Variants in CCDC170 observed in about 807,000 individuals in gnomAD.
CCDC170 encodes the protein coiled-coil domain containing 170.
Under a neutral mutation model 72.6 loss-of-function variants are expected in CCDC170, and 69 were observed. The ratio of observed to expected loss-of-function variants is 0.95; its 90% CI spans 0.78 to 1.16. The LOEUF (loss-of-function observed/expected upper bound fraction) is 1.16, where lower values mean the gene tolerates loss of function less well. Among genes scored for constraint, CCDC170 ranks in the 50% most tolerant of loss-of-function variants. The pLI is 0.00. For missense variants in CCDC170, 852 were observed against 832.5 expected (o/e 1.02, Z -0.29); for synonymous variants, 300 against 303.9 (o/e 0.99, Z 0.13).
intron 6 of CCDC170, 35 bp from the exon 7 acceptor site, chr6:151,585,854 C>A: frequency 6.3e-7 from 1 of 1,599,486 alleles, no homozygotes; most frequent in East Asian, 2.2e-5. Flanking sequence ...GCATCTGAAA[C>A]AAGGCTTATT....
intron 1 of CCDC170, among the ~76,000 whole-genome samples, chr6:151,529,946 A>G (rs1423051953): frequency 6.6e-6 from 1 of 152,090 alleles, no homozygotes; most frequent in African/African-American, 2.4e-5. Context: ...AGTGAGAGAG[A>G]ACTTTATTTT....
intron 1 of CCDC170, among the ~76,000 whole-genome samples, chr6:151,506,952 G>A (rs549548027): frequency 1.3e-5 from 2 of 152,148 alleles, no homozygotes; most frequent in Non-Finnish European, 2.9e-5. Context: ...GCAGATTTCC[G>A]ACTTGCCAGT....
intron 6 of CCDC170, among the ~76,000 whole-genome samples, chr6:151,584,567 C>T (rs1776425755): frequency 1.3e-5 from 2 of 152,036 alleles, no homozygotes; most frequent in African/African-American, 2.4e-5. Context: ...ATATTAATGG[C>T]TTTTGCCTCT....
intron 5 of CCDC170, among the ~76,000 whole-genome samples, chr6:151,568,105 G>GAA (rs771627857): frequency 0.11 from 4,317 of 38,140 alleles, 1,082 homozygotes; most frequent in African/African-American, 0.22. Flanking sequence ...GTGAGACTCT[G>GAA]AAAAAAAAAA....
chr6:151,587,016 C>T (rs1463244961), intron 7 of CCDC170, among the ~76,000 whole-genome samples: 1 of 151,980 alleles, frequency 6.6e-6, no homozygotes, highest in East Asian at 1.9e-4. Context: ...GATCTCCTGA[C>T]CTCATGATCT....
rs1247773652 is a variant in CCDC170 at position 151,593,121 on chromosome 6, G to T, written c.1308G>T (p.Leu436=). 1.2e-6 allele frequency: 2 copies of T among 1,614,120 alleles called. No individual in the cohort carries two copies. Among genetic ancestry groups the T allele is most frequent in the Admixed American group, 3.3e-5 (2 of 60,020 alleles). ...CTTGGGTTTAGTATCTTAAATTTCTGGATCAGCTTTCTCAGAAAATGAAGT... is the reference window on the plus strand; with the variant it reads ...CTTGGGTTTAGTATCTTAAATTTCTTGATCAGCTTTCTCAGAAAATGAAGT... ...NFEKQKYLKF[L]DQLSQKMKLD... The change falls in exon 8 of 11, where the codon CTG becomes CTT. Residue 436 remains leucine (L), a synonymous_variant. Coordinates refer to ENST00000239374, the MANE Select transcript of CCDC170 (RefSeq NM_025059.4).
intron 10 of CCDC170, 68 bp downstream of exon 10, chr6:151,615,747 A>G (rs1776956259): frequency 1.8e-6 from 2 of 1,081,334 alleles, no homozygotes; most frequent in Non-Finnish European, 2.8e-6. Flanking sequence ...CTTGATATTA[A>G]TACTTATTCA....
At chr6:151,510,420 A>C (rs908231564) in intron 1 of CCDC170, among the ~76,000 whole-genome samples, 1 of 152,216 alleles carries the variant, frequency 6.6e-6, no homozygotes, top group African/African-American at 2.4e-5. Flanking sequence ...AAGCATTTTA[A>C]TGTTTTCTGA....
intron 9 of CCDC170, among the ~76,000 whole-genome samples, chr6:151,597,000 A>C (rs1392252308): frequency 6.6e-6 from 1 of 151,714 alleles, no homozygotes. Flanking sequence ...CTAATTTTGT[A>C]TTTTTAGTGG....
intron 9 of CCDC170, 143 bp from the exon 10 acceptor site, chr6:151,615,300 A>G (rs1222000241): frequency 1.4e-6 from 1 of 696,384 alleles, no homozygotes; most frequent in African/African-American, 1.8e-5. Context: ...GCTTAGCAAA[A>G]TCTCTAACTG....
chr6:151,513,150 T>C (rs1160811341), intron 1 of CCDC170, among the ~76,000 whole-genome samples: 1 of 152,208 alleles, frequency 6.6e-6, no homozygotes, highest in Non-Finnish European at 1.5e-5. Flanking sequence ...CAACTTAAAA[T>C]ACAGCTTTAT....
chr6:151,546,998 A>G (rs1782783475), intron 4 of CCDC170, among the ~76,000 whole-genome samples: 1 of 5,872 alleles, frequency 1.7e-4, no homozygotes, highest in Non-Finnish European at 2.7e-4. Flanking sequence ...TCTTAAGAAG[A>G]AAAAAAAAAA....
At chr6:151,495,165 T>C (rs1215234205) in intron 1 of CCDC170, among the ~76,000 whole-genome samples, 4 of 152,204 alleles carry the variant, frequency 2.6e-5, no homozygotes, top group Non-Finnish European at 4.4e-5. Flanking sequence ...GCAGCTTTGA[T>C]TGTTGTTTTA....
rs1782626296 is a variant in CCDC170 at position 151,538,246 on chromosome 6, A to G, written c.388A>G (p.Ile130Val). 2 of 1,613,838 alleles carry G rather than the reference A, an allele frequency of 1.2e-6. No homozygotes were observed. Among genetic ancestry groups the G allele is most frequent in the Non-Finnish European group, 1.7e-6 (2 of 1,179,914 alleles). ...IRTEITAHAA[I>V]KENQELKKKV... is the part of the protein sequence containing the mutation. ...AACAGAAATCACAGCTCACGCTGCA[A>G]TCAAGGAGAACCAGGAATTAAAGAA... The change falls in exon 3 of 11, where the codon ATC becomes GTC. Residue 130 changes from isoleucine to valine, a missense_variant. By Grantham distance (29) the Ile-to-Val change is conservative. Transcript: ENST00000239374.
chr6:151,615,227 A>C (rs1168293922), intron 9 of CCDC170, among the ~76,000 whole-genome samples: 1 of 152,216 alleles, frequency 6.6e-6, no homozygotes, highest in Non-Finnish European at 1.5e-5. Flanking sequence ...TTTTCAAATA[A>C]GGGTACTCTA....
intron 3 of CCDC170, among the ~76,000 whole-genome samples, chr6:151,539,076 A>G (rs193025704): frequency 1.3e-5 from 2 of 152,162 alleles, no homozygotes; most frequent in East Asian, 3.9e-4. Context: ...AGCCTGGCCA[A>G]CATGGTGAAA....
intron 7 of CCDC170, among the ~76,000 whole-genome samples, chr6:151,590,255 T>G (rs555867040): frequency 6.6e-6 from 1 of 151,750 alleles, no homozygotes; most frequent in Non-Finnish European, 1.5e-5. Context: ...GAAAAAATCA[T>G]TTTTTCCTGT....
chr6:151,544,239 G>T (rs1782738241), intron 3 of CCDC170, among the ~76,000 whole-genome samples: 2 of 152,168 alleles, frequency 1.3e-5, no homozygotes, highest in Admixed American at 1.3e-4. Flanking sequence ...TATGTGGATT[G>T]TGTGTGCTCT....
intron 6 of CCDC170, among the ~76,000 whole-genome samples, chr6:151,581,224 C>T (rs888206481): frequency 2.0e-5 from 3 of 152,232 alleles, no homozygotes; most frequent in Middle Eastern, 3.4e-3. Flanking sequence ...TATTTGATAG[C>T]GCTTTACCAA....
Sources: allele counts gnomAD v4.1 joint callset (sites outside exome capture counted in the v4.1 genomes callset), GRCh38; gene constraint gnomAD v4.1.1; transcripts MANE v1.5; gene names NCBI Gene and HGNC (gene_info 2026-07-23, HGNC 2026-07-21).